Variants in ZNF318 observed in about 807,000 individuals in gnomAD.
ZNF318 encodes zinc finger protein 318, also known as endocrine regulator.
ZNF318 carries 51 observed loss-of-function variants against 124.2 expected under a neutral mutation model. That is an observed-to-expected ratio of 0.41 (90% CI 0.33 to 0.52). ZNF318 has a LOEUF of 0.52. Ranked by LOEUF, ZNF318 falls within the 20% of genes least tolerant of loss-of-function variation. ZNF318 has a pLI of 0.23. For missense variants in ZNF318, 2,815 were observed against 2,811.2 expected, an observed-to-expected ratio of 1.00 and a Z score of -0.03; for synonymous variants, 1,090 against 1,040.7, an observed-to-expected ratio of 1.05 and a Z score of -0.91.
At chr6:43,367,662 T>G (rs185664334) in intron 1 of ZNF318, among the ~76,000 whole-genome samples, 33 of 152,276 alleles carry the variant, frequency 2.2e-4, no homozygotes, top group Admixed American at 8.5e-4. Flanking sequence ...CTGGAGCAAA[T>G]ACATTGCGCA....
rs1779294117 is a variant in ZNF318, at chr6:43,337,268, G to A, written c.6730C>T (p.Pro2244Ser). The A allele has an allele frequency of 1.9e-6, 3 of 1,614,134 alleles. No homozygotes were observed. Among genetic ancestry groups the A allele is most frequent in the Non-Finnish European group, 2.5e-6 (3 of 1,180,014 alleles). The change falls in exon 10 of 10, where the codon CCT becomes TCT. Residue 2244 changes from proline (P) to serine (S), a missense_variant. By Grantham distance (74) the Pro-to-Ser change is moderately conservative. This residue lies in a region of ZNF318 where 927 missense variants were observed against 820.6 expected (regional missense o/e 1.13). Transcript: ENST00000361428. ...NLVKAPVSRSPPREQVIEDNM... is the reference protein window; with the variant it reads ...NLVKAPVSRSSPREQVIEDNM... ...TCTTCAATTACCTGCTCCCTTGGAG[G>A]GGACCTTGACACTGGAGCTTTAACC...
At position 43,349,718 on chromosome 6, in the gene ZNF318, T is replaced by C. The variant is rs575488740; in HGVS notation, c.2771-1093A>G. ...TATGTTCTTTTCCTCACTGTGTATGTGAATTCCTAAAAGCATAAAGAAATG... is the reference window on the plus strand; with the variant it reads ...TATGTTCTTTTCCTCACTGTGTATGCGAATTCCTAAAAGCATAAAGAAATG... On this transcript the variant is annotated intron_variant, in intron 5 of 9. Transcript: ENST00000361428. Among the ~76,000 whole-genome samples the C allele has an allele frequency of 2.0e-5, 3 of 152,292 alleles. No homozygotes were observed. The East Asian group carries it at 5.8e-4, about 29-fold the overall frequency.
At chr6:43,356,632 AG>A (rs1779611787) in intron 3 of ZNF318, among the ~76,000 whole-genome samples, 2 of 152,312 alleles carry the variant, frequency 1.3e-5, no homozygotes, top group Admixed American at 1.3e-4. Context: ...TTCACAGGTC[AG>A]GGAAAAATAT....
chr6:43,368,863 G>C (rs1472004723), intron 1 of ZNF318, 104 bp downstream of exon 1: 2 of 1,237,758 alleles, frequency 1.6e-6, no homozygotes, highest in Non-Finnish European at 2.0e-6. Context: ...CGGAGGCTTC[G>C]CGCTTAGGAC....
At position 43,357,231 on chromosome 6, in the gene ZNF318, C is replaced by T. The variant is rs747286511; in HGVS notation, c.1083G>A (p.Ser361=). 20 of 1,614,058 alleles carry T rather than the reference C, an allele frequency of 1.2e-5. No homozygotes were observed. Among genetic ancestry groups the T allele is most frequent in the Admixed American group, 8.3e-5 (5 of 60,006 alleles). Reference sequence around the variant, plus strand: ...GCCGATGCAAAGAATATCCTGGCTCCGATGCTGTTAGGACACCTGACAATC... The same window carrying T: ...GCCGATGCAAAGAATATCCTGGCTCTGATGCTGTTAGGACACCTGACAATC... ...IPGLSGVLTA[S]EPGYSLHRPE... Residue 361 remains serine, a synonymous_variant, in exon 3 of 10, where the codon TCG becomes TCA. Transcript: ENST00000361428.
intron 1 of ZNF318, among the ~76,000 whole-genome samples, chr6:43,366,830 T>C (rs1779767518): frequency 6.6e-6 from 1 of 151,974 alleles, no homozygotes; most frequent in Non-Finnish European, 1.5e-5. Context: ...ACACAAACTG[T>C]AACTCCCTTC....
At chr6:43,352,265 C>CA (rs548950229) in intron 5 of ZNF318, 112 bp downstream of exon 5, 38 of 450,178 alleles carry the variant, frequency 8.4e-5, no homozygotes, top group South Asian at 3.1e-4. Flanking sequence ...TTAATTACGT[C>CA]AAAAAAAAAT....
intron 5 of ZNF318, among the ~76,000 whole-genome samples, chr6:43,350,493 G>A (rs774072735): frequency 6.6e-6 from 1 of 152,126 alleles, no homozygotes; most frequent in Non-Finnish European, 1.5e-5. Context: ...ACAGTGGAAA[G>A]CCAACTAATA....
At chr6:43,350,370 T>C (rs1015544262) in intron 5 of ZNF318, among the ~76,000 whole-genome samples, 6 of 152,164 alleles carry the variant, frequency 3.9e-5, no homozygotes, top group Non-Finnish European at 4.4e-5. Context: ...AATTTGAGCA[T>C]GAAAATAAAT....
chr6:43,357,786 C>G (rs754256181), intron 2 of ZNF318, 21 bp from the exon 3 acceptor site: 1 of 1,564,660 alleles, frequency 6.4e-7, no homozygotes, highest in Non-Finnish European at 8.6e-7. Context: ...AGAGAAGCAT[C>G]ATTGAACAAA....
In ZNF318 at chr6:43,369,408, G is replaced by A. The variant is rs1477494340; in HGVS notation, c.-43C>T. ...CCACGGCGACAGCTCTGACCCGGGG[G>A]CGCCCTAGACGCAGGCTCGGAGCGC... On this transcript the variant is annotated 5_prime_UTR_variant, in exon 1 of 10. Transcript: ENST00000361428. 3 of 1,179,480 alleles carry A rather than the reference G, an allele frequency of 2.5e-6. No individual in the cohort carries two copies. Among genetic ancestry groups the A allele is most frequent in the Admixed American group, 9.3e-5 (2 of 21,612 alleles). The allele number at this position is 1,179,480 out of a possible 1,614,324, so 73.1% of individuals were successfully genotyped here.
rs898033138 is a variant in ZNF318 at position 43,354,820 on chromosome 6, G to A, written c.2514C>T (p.Ile838=). The part of the protein sequence containing the change: ...ATRSRPNLRV[I]PTVTPDKPKQ... Reference sequence around the variant, plus strand: ...TAGGCTTATCAGGAGTCACAGTGGGGATCACACGAAGATTGGGACGGCTAC... The same window carrying A: ...TAGGCTTATCAGGAGTCACAGTGGGAATCACACGAAGATTGGGACGGCTAC... The change falls in exon 4 of 10, where the codon ATC becomes ATT. Residue 838 remains isoleucine (I), a synonymous_variant. Coordinates refer to ENST00000361428, the MANE Select transcript of ZNF318 (RefSeq NM_014345.3). 2.5e-6 allele frequency: 4 copies of A among 1,614,054 alleles called. No individual in the cohort carries two copies. Among genetic ancestry groups the A allele is most frequent in the Non-Finnish European group, 3.4e-6 (4 of 1,180,032 alleles).
chr6:43,360,384 G>A (rs1203261821), intron 2 of ZNF318, among the ~76,000 whole-genome samples: 4 of 152,226 alleles, frequency 2.6e-5, no homozygotes, highest in Non-Finnish European at 5.9e-5. Context: ...AGAACTGGCT[G>A]TAGTAAGAAC....
In ZNF318 at chr6:43,338,014, C is replaced by T. The variant is rs780608560; in HGVS notation, c.5984G>A (p.Ser1995Asn). The T allele has an allele frequency of 1.2e-6, 2 of 1,614,162 alleles. No homozygotes were observed. Among genetic ancestry groups the T allele is most frequent in the Non-Finnish European group, 1.7e-6 (2 of 1,180,034 alleles). ...AGCTTCAAAGTCTTCTAGGGCCTTG[C>T]TTTCTATTGTCACTGTTAACTCTGG... ...VHPELTVTIE[S>N]KALEDFEATD... Residue 1995 changes from serine to asparagine, a missense_variant, in exon 10 of 10, where the codon AGC (serine) becomes AAC (asparagine). By Grantham distance (46) the Ser-to-Asn change is conservative. Around this residue, in one of 4 missense-constraint regions of ZNF318, gnomAD observed 927 missense variants for 820.6 expected, o/e 1.13. Coordinates refer to ENST00000361428, the MANE Select transcript of ZNF318 (RefSeq NM_014345.3).
rs776544073 is a variant in ZNF318, at chr6:43,354,793, C to G, written c.2541G>C (p.Lys847Asn). ...VIPTVTPDKP[K>N]QKESLRGSIP... ...TTGAGCCTCGCAGAGACTCTTTCTG[C>G]TTAGGCTTATCAGGAGTCACAGTGG... Residue 847 changes from lysine (K) to asparagine (N), a missense_variant, in exon 4 of 10, where the codon AAG (lysine) becomes AAC (asparagine). Around this residue, in one of 4 missense-constraint regions of ZNF318, gnomAD observed 1,377 missense variants for 1,353.5 expected, o/e 1.02. Coordinates refer to ENST00000361428, the MANE Select transcript of ZNF318 (RefSeq NM_014345.3). The G allele has an allele frequency of 5.6e-6, 9 of 1,614,044 alleles. No homozygotes were observed. In the African/African-American group the frequency reaches 1.2e-4, roughly 22 times the overall value.
chr6:43,363,521 G>A (rs1779714874), intron 2 of ZNF318: 1 of 219,688 alleles, frequency 4.6e-6, no homozygotes, highest in African/African-American at 2.3e-5. Context: ...TGGCTTCCAT[G>A]GAGGGGCTGG....
chr6:43,337,703 T>A lies in ZNF318; in HGVS notation c.6295A>T (p.Ile2099Phe), dbSNP rs771734591. Reference protein sequence around the residue: ...RNSPNPRSVRIPSPNILKTGL... With the variant: ...RNSPNPRSVRFPSPNILKTGL... Reference sequence around the variant, plus strand: ...GTTTTCAAAATGTTAGGAGAAGGGATCCTAACACTCCTGGGATTAGGTGAG... The same window carrying A: ...GTTTTCAAAATGTTAGGAGAAGGGAACCTAACACTCCTGGGATTAGGTGAG... The change falls in exon 10 of 10, where the codon ATC (isoleucine) becomes TTC (phenylalanine). Residue 2099 changes from isoleucine to phenylalanine, a missense_variant. Transcript: ENST00000361428. 2 of 1,614,150 alleles carry A rather than the reference T, an allele frequency of 1.2e-6. No homozygotes were observed. The highest frequency in any genetic ancestry group is 1.7e-6 in the Non-Finnish European group (2 of 1,180,028).
chr6:43,345,699 G>A (rs550434399), intron 6 of ZNF318, among the ~76,000 whole-genome samples: 1 of 152,274 alleles, frequency 6.6e-6, no homozygotes, highest in African/African-American at 2.4e-5. Flanking sequence ...AATAGAGCTT[G>A]GGTGATAACA....
At position 43,336,335 on chromosome 6, in the gene ZNF318, A is replaced by G. The variant is rs1433578649; in HGVS notation, c.*823T>C. On this transcript the variant is annotated 3_prime_UTR_variant, in exon 10 of 10. Transcript: ENST00000361428. ...ATGGCTGCTAAACAATTTAATACAA[A>G]GTGTTATTGGATCACAATACAATGA... 6.6e-6 allele frequency: 1 copy of G among 152,622 alleles called. No individual in the cohort carries two copies. The highest frequency in any genetic ancestry group is 1.5e-5 in the Non-Finnish European group (1 of 68,028). 9.5% of individuals were successfully genotyped at this position (152,622 alleles called of 1,614,324 possible).
Sources: gnomAD v4.1 joint callset for allele counts (sites outside exome capture counted in the v4.1 genomes callset) on GRCh38, gnomAD v4.1.1 for gene constraint, gnomAD v4.1.1 regional missense constraint, MANE v1.5 for transcripts, NCBI Gene and HGNC (gene_info 2026-07-23, HGNC 2026-07-21) for gene names.